CRISPLD2: variants seen among roughly 807,000 people sequenced by gnomAD.
CRISPLD2 encodes the protein cysteine rich secretory protein LCCL domain containing 2, also known as cysteine-rich secretory protein LCCL domain-containing 2.
CRISPLD2 carries 47 observed loss-of-function variants against 71.1 expected under a neutral mutation model. The observed-to-expected ratio is 0.66, with a 90% CI of 0.52 to 0.84. The LOEUF (loss-of-function observed/expected upper bound fraction) is 0.84. Among genes scored for constraint, CRISPLD2 ranks in the 40% least tolerant of loss-of-function variants. The pLI, the probability that CRISPLD2 is intolerant of heterozygous loss-of-function variation, is 0.00. For missense variants in CRISPLD2, 830 were observed against 651.1 expected, an observed-to-expected ratio of 1.27 and a Z score of -2.99; for synonymous variants, 317 against 250.1, an observed-to-expected ratio of 1.27 and a Z score of -2.52.
intron 6 of CRISPLD2, chr16:84,862,985 TG>T (rs1917429331): frequency 6.6e-6 from 1 of 152,190 alleles, no homozygotes; most frequent in African/African-American, 2.4e-5. Flanking sequence ...TATCTGGGTC[TG>T]GGTCATGTAT....
chr16:84,847,766 C>T (rs1916955745), intron 3 of CRISPLD2, among the ~76,000 whole-genome samples: 10 of 152,196 alleles, frequency 6.6e-5, no homozygotes, highest in Admixed American at 6.5e-4. Context: ...TTTGCAGCAC[C>T]TGGCTGGGCG....
Position 84,908,680 on chromosome 16 carries a change from C to CTTTTTTTT in CRISPLD2, c.*2054_*2061dup. ...CTTGCCCAGAGCAGGACCTGGCTGTCTTTTTTTTTTTTTTTTTTTTTTTCC... is the reference window on the plus strand; with the variant it reads ...CTTGCCCAGAGCAGGACCTGGCTGTCTTTTTTTTTTTTTTTTTTTTTTTTTTTTTTTCC... On this transcript the variant is annotated 3_prime_UTR_variant, in exon 15 of 15. Transcript: ENST00000262424. 8.5e-6 allele frequency: 1 copy of CTTTTTTTT among 117,466 alleles called. No homozygotes were observed. The highest frequency in any genetic ancestry group is 1.7e-5 in the Non-Finnish European group (1 of 58,126). The allele number at this position is 117,466 out of a possible 1,614,324, so 7.3% of individuals were successfully genotyped here. A position where few individuals can be genotyped will look rare whatever the true frequency, so the allele number is the denominator to read the frequency against.
At chr16:84,825,398 A>G (rs1210737300) in intron 1 of CRISPLD2, among the ~76,000 whole-genome samples, 1 of 152,168 alleles carries the variant, frequency 6.6e-6, no homozygotes, top group Non-Finnish European at 1.5e-5. Context: ...TGCTGTCTCT[A>G]CAAAAAATTT....
intron 14 of CRISPLD2, 35 bp downstream of exon 14, chr16:84,889,398 C>T (rs1158875676): frequency 1.9e-6 from 3 of 1,581,716 alleles, no homozygotes; most frequent in South Asian, 1.2e-5. Flanking sequence ...GACACCCAAT[C>T]CCGGCTGCTA....
At chr16:84,848,675 A>G (rs1320663750) in intron 3 of CRISPLD2, among the ~76,000 whole-genome samples, 5 of 152,138 alleles carry the variant, frequency 3.3e-5, no homozygotes, top group African/African-American at 1.2e-4. Context: ...TCCTGACCTC[A>G]GGTGATCCTA....
chr16:84,867,395 C>A (rs1169233420), intron 7 of CRISPLD2, among the ~76,000 whole-genome samples: 2 of 152,174 alleles, frequency 1.3e-5, no homozygotes, highest in African/African-American at 4.8e-5. Flanking sequence ...CAGCCTGGCT[C>A]TGGAAGGTTC....
At chr16:84,834,049 G>C (rs1026143852) in intron 1 of CRISPLD2, among the ~76,000 whole-genome samples, 1 of 152,222 alleles carries the variant, frequency 6.6e-6, no homozygotes, top group Non-Finnish European at 1.5e-5. Flanking sequence ...CCTGGGCCTC[G>C]AGGTTAGAAG....
chr16:84,893,045 G>A (rs1040966139), intron 14 of CRISPLD2, among the ~76,000 whole-genome samples: 1 of 151,448 alleles, frequency 6.6e-6, no homozygotes, highest in Non-Finnish European at 1.5e-5. Flanking sequence ...CTGGGACCCA[G>A]GGCACAGATG....
chr16:84,901,596 C>T (rs187750515), intron 14 of CRISPLD2, among the ~76,000 whole-genome samples: 180 of 150,890 alleles, frequency 1.2e-3, no homozygotes, highest in South Asian at 6.3e-4. Context: ...CTCAGCCTCC[C>T]GAGTAGCTGG....
At chr16:84,845,244 C>G (rs1916879435) in intron 2 of CRISPLD2, among the ~76,000 whole-genome samples, 1 of 152,166 alleles carries the variant, frequency 6.6e-6, no homozygotes, top group South Asian at 2.1e-4. Context: ...GCTTCGGAGC[C>G]CCCTGTTAGA....
intron 6 of CRISPLD2, among the ~76,000 whole-genome samples, chr16:84,860,324 A>C (rs1236387078): frequency 6.6e-6 from 1 of 152,190 alleles, no homozygotes; most frequent in South Asian, 2.1e-4. Context: ...TACACCCTTA[A>C]TATCCATTCC....
intron 13 of CRISPLD2, among the ~76,000 whole-genome samples, chr16:84,888,749 C>T (rs1488329881): frequency 6.6e-6 from 1 of 152,216 alleles, no homozygotes; most frequent in Non-Finnish European, 1.5e-5. Context: ...ATGCTCTGTG[C>T]AGAGACATTC....
rs575584183 is a variant in CRISPLD2 at position 84,849,129 on chromosome 16, C to G, written c.360-256C>G. On this transcript the variant is annotated intron_variant, in intron 3 of 14. Transcript: ENST00000262424. The stretch of plus-strand genomic sequence containing the variant: ...GGATAATGGTATTAAGCACCTGTAC[C>G]AGGTGCTGCTGGAATTGAGGGTTAT... 58 of 480,264 alleles carry G rather than the reference C, an allele frequency of 1.2e-4. 1 individual carries two copies. In the South Asian group the frequency reaches 1.4e-3, roughly 12 times the overall value. The allele number at this position is 480,264 out of a possible 1,614,324, so 29.8% of individuals were successfully genotyped here.
intron 14 of CRISPLD2, among the ~76,000 whole-genome samples, chr16:84,897,050 G>C (rs570456854): frequency 3.8e-4 from 58 of 152,318 alleles, no homozygotes; most frequent in Admixed American, 7.2e-4. Flanking sequence ...GCAGCCCCAC[G>C]TGCCTGTCCC....
chr16:84,870,669 C>T (rs2071460684), intron 8 of CRISPLD2, among the ~76,000 whole-genome samples: 1 of 152,196 alleles, frequency 6.6e-6, no homozygotes. Context: ...GCACTTCATG[C>T]TTAGTGACTG....
At chr16:84,883,026 C>A (rs2071582093) in intron 13 of CRISPLD2, among the ~76,000 whole-genome samples, 1 of 152,094 alleles carries the variant, frequency 6.6e-6, no homozygotes, top group Admixed American at 6.6e-5. Context: ...GCTTTTGGGA[C>A]CACTGTGCTC....
At chr16:84,905,620 AC>A (rs979592002) in intron 14 of CRISPLD2, among the ~76,000 whole-genome samples, 1 of 151,510 alleles carries the variant, frequency 6.6e-6, no homozygotes, top group Non-Finnish European at 1.5e-5. Flanking sequence ...CGAATTCCAG[AC>A]CTCAAGTGAT....
chr16:84,874,484 G>A (rs563796148), intron 11 of CRISPLD2, among the ~76,000 whole-genome samples: 3 of 152,238 alleles, frequency 2.0e-5, no homozygotes, highest in South Asian at 2.1e-4. Context: ...CACGATGGGC[G>A]AGCACACTCC....
At chr16:84,859,663 C>T (rs1459706792) in intron 6 of CRISPLD2, among the ~76,000 whole-genome samples, 4 of 152,166 alleles carry the variant, frequency 2.6e-5, no homozygotes, top group Non-Finnish European at 5.9e-5. Flanking sequence ...AAGTTTTCTG[C>T]TTATGTAAAT....
Sources: gnomAD v4.1 joint callset for allele counts (sites outside exome capture counted in the v4.1 genomes callset) on GRCh38, gnomAD v4.1.1 for gene constraint, MANE v1.5 for transcripts, NCBI Gene and HGNC (gene_info 2026-07-23, HGNC 2026-07-21) for gene names.